Variants in PATJ observed in about 807,000 individuals in gnomAD.
PATJ encodes PATJ crumbs cell polarity complex component, also known as inaD-like protein.
A neutral mutation model predicts 224.9 loss-of-function variants in PATJ; 190 were observed. That is an observed-to-expected ratio of 0.84 (90% confidence interval 0.75 to 0.95). The LOEUF (loss-of-function observed/expected upper bound fraction) is 0.95. PATJ is among the 40% of genes least tolerant of loss of function. The pLI, the probability that PATJ is intolerant of heterozygous loss-of-function variation, is 0.00. For synonymous variants in PATJ, 769 were observed against 820.3 expected, an observed-to-expected ratio of 0.94 and a Z score of 1.07; for missense variants, 2,121 against 2,270.3, an observed-to-expected ratio of 0.93 and a Z score of 1.34.
chr1:61,954,810 G>C (rs1399201864), intron 27 of PATJ, among the ~76,000 whole-genome samples: 1 of 145,460 alleles, frequency 6.9e-6, no homozygotes, highest in Non-Finnish European at 1.5e-5. Context: ...CTGGAGTGCA[G>C]TGGCACTATC....
rs763295071 is a variant in PATJ, at chr1:61,790,881, T to A, written c.1069-467T>A. On this transcript the variant is annotated intron_variant, in intron 8 of 43. Transcript: ENST00000642238. ...TGGCTGGGCTCTTTTCTGGATGCCC[T>A]GGGGACAGCCCATACCCAGTCTCAT... Among the ~76,000 whole-genome samples, 136 of 152,184 alleles carry A rather than the reference T, an allele frequency of 8.9e-4. 1 individual carries two copies. Among genetic ancestry groups the A allele is most frequent in the Non-Finnish European group, 8.7e-4 (59 of 68,040 alleles).
chr1:61,978,139 G>T lies in PATJ; in HGVS notation c.3671-12029G>T, dbSNP rs553533064. On this transcript the variant is annotated intron_variant, in intron 27 of 43. Transcript: ENST00000642238. The stretch of plus-strand genomic sequence containing the variant: ...TCTCTATTTGTTTATGGTTGATGTT[G>T]TTCATCTCTTACAGGAAGAGACATT... Among the ~76,000 whole-genome samples the T allele has an allele frequency of 2.6e-4, 40 of 151,378 alleles. No homozygotes were observed. The South Asian group carries it at 7.3e-3, about 28-fold the overall frequency.
intron 27 of PATJ, among the ~76,000 whole-genome samples, chr1:61,951,505 C>T (rs1571466663): frequency 6.6e-6 from 1 of 150,978 alleles, no homozygotes; most frequent in Admixed American, 6.6e-5. Flanking sequence ...CTTCTGAAGT[C>T]ACTGTAATTG....
At chr1:61,995,981 A>G (rs1370481518) in intron 28 of PATJ, among the ~76,000 whole-genome samples, 4 of 152,208 alleles carry the variant, frequency 2.6e-5, no homozygotes, top group East Asian at 1.9e-4. Context: ...GGGTGGCACA[A>G]GAGGTGCACA....
intron 20 of PATJ, 109 bp downstream of exon 20, chr1:61,864,742 G>C: frequency 2.1e-6 from 2 of 943,952 alleles, no homozygotes; most frequent in South Asian, 1.8e-5. Flanking sequence ...GGGCCTTTCC[G>C]TAAGTCGTCA....
chr1:62,149,417 T>C (rs888965379), intron 42 of PATJ, among the ~76,000 whole-genome samples: 1 of 152,198 alleles, frequency 6.6e-6, no homozygotes, highest in African/African-American at 2.4e-5. Context: ...CTCATGGTCA[T>C]AGCCCGTCCC....
chr1:61,797,891 C>G (rs1032602897), intron 11 of PATJ, among the ~76,000 whole-genome samples: 2 of 151,488 alleles, frequency 1.3e-5, no homozygotes, highest in African/African-American at 4.9e-5. Flanking sequence ...CAACCTCTGC[C>G]TCCTGGGTTC....
chr1:62,016,504 T>A (rs1646776804), intron 28 of PATJ, among the ~76,000 whole-genome samples: 1 of 152,140 alleles, frequency 6.6e-6, no homozygotes, highest in Non-Finnish European at 1.5e-5. Flanking sequence ...TAGTTATAGA[T>A]CATTAACTAC....
chr1:61,817,809 A>G (rs183082332), intron 14 of PATJ, among the ~76,000 whole-genome samples: 1 of 152,308 alleles, frequency 6.6e-6, no homozygotes, highest in African/African-American at 2.4e-5. Flanking sequence ...ATTACTTTAA[A>G]ACTTGTAGCC....
chr1:62,068,086 C>T (rs1015584117), intron 31 of PATJ, among the ~76,000 whole-genome samples: 5 of 152,174 alleles, frequency 3.3e-5, no homozygotes, highest in African/African-American at 1.2e-4. Flanking sequence ...TGAGCCACCG[C>T]GCCTGGCCTA....
At chr1:61,839,933 T>C (rs1019836295) in intron 17 of PATJ, among the ~76,000 whole-genome samples, 7 of 152,154 alleles carry the variant, frequency 4.6e-5, no homozygotes, top group Non-Finnish European at 5.9e-5. Context: ...GTGATTCATA[T>C]GTAAATACTG....
intron 33 of PATJ, among the ~76,000 whole-genome samples, chr1:62,087,389 G>C (rs972652249): frequency 6.6e-6 from 1 of 151,892 alleles, no homozygotes; most frequent in African/African-American, 2.4e-5. Context: ...GGGGGGCGGG[G>C]CGGGCCGTAG....
chr1:61,955,473 AC>A (rs1557938589), intron 27 of PATJ, among the ~76,000 whole-genome samples: 1 of 152,168 alleles, frequency 6.6e-6, no homozygotes, highest in African/African-American at 2.4e-5. Context: ...AAGAAGTGCT[AC>A]AAGCCTGGCT....
chr1:61,808,034 G>A (rs967252690), intron 13 of PATJ, among the ~76,000 whole-genome samples: 1 of 152,178 alleles, frequency 6.6e-6, no homozygotes, highest in Non-Finnish European at 1.5e-5. Context: ...TGGAAAGTCA[G>A]ATGCTTTAGT....
At chr1:61,883,751 G>A (rs780418287) in intron 21 of PATJ, among the ~76,000 whole-genome samples, 6 of 80,962 alleles carry the variant, frequency 7.4e-5, no homozygotes, top group Admixed American at 4.8e-4. Context: ...GAGAGACTCC[G>A]TCTCTTAAAA....
chr1:62,125,245 A>AC lies in PATJ; in HGVS notation c.5043+2187_5043+2188insC, dbSNP rs1165769547. Among the ~76,000 whole-genome samples the AC allele has an allele frequency of 4.2e-3, 441 of 104,288 alleles. 15 individuals carry two copies. Among genetic ancestry groups the AC allele is most frequent in the African/African-American group, 0.015 (418 of 28,292 alleles). 68.4% of individuals were successfully genotyped at this position (104,288 alleles called of 152,430 possible). A position where few individuals can be genotyped will look rare whatever the true frequency, so the allele number is the denominator to read the frequency against. On this transcript the variant is annotated intron_variant, in intron 39 of 43. Coordinates refer to ENST00000642238, the MANE Select transcript of PATJ (RefSeq NM_001350145.3). ...GAGTAAAACCCTGTCTCAAAAAAAA[A>AC]AAAAAAAACAAAAAAAAACAAAAAA...
chr1:62,148,223 A>G lies in PATJ; in HGVS notation c.5272-61A>G, dbSNP rs1031867175. 31 of 1,114,350 alleles carry G rather than the reference A, an allele frequency of 2.8e-5. 1 individual carries two copies. The African/African-American group carries it at 3.5e-4, about 13-fold the overall frequency. The allele number at this position is 1,114,350 out of a possible 1,614,324, so 69.0% of individuals were successfully genotyped here. The stretch of plus-strand genomic sequence containing the variant: ...TTGAGAACTGACCCTTGGATACAGC[A>G]TGGTTTCTCTAATTCTCCCCTTCTT... On this transcript the variant is annotated intron_variant, in intron 41 of 43. Coordinates refer to ENST00000642238, the MANE Select transcript of PATJ (RefSeq NM_001350145.3).
At chr1:62,117,571 A>G (rs1033029084) in intron 37 of PATJ, 3 of 203,758 alleles carry the variant, frequency 1.5e-5, no homozygotes, top group Non-Finnish European at 2.6e-5. Flanking sequence ...TGTTCTATTC[A>G]TTCAATTAAA....
At chr1:61,991,746 T>C (rs1645076812) in intron 28 of PATJ, 7 of 984,288 alleles carry the variant, frequency 7.1e-6, no homozygotes, top group Non-Finnish European at 8.4e-6. Context: ...ATTACATAAA[T>C]AAAGTCAAAG....
Sources: allele counts gnomAD v4.1 joint callset (sites outside exome capture counted in the v4.1 genomes callset), GRCh38; gene constraint gnomAD v4.1.1; transcripts MANE v1.5; gene names NCBI Gene and HGNC (gene_info 2026-07-23, HGNC 2026-07-21).